Variants in PCDHGA1 observed in about 807,000 individuals in gnomAD.
PCDHGA1 encodes protocadherin gamma subfamily A, 1.
A neutral mutation model predicts 58.0 loss-of-function variants in PCDHGA1; 32 were observed. The ratio of observed to expected loss-of-function variants is 0.55; its 90% CI spans 0.42 to 0.74. The LOEUF (loss-of-function observed/expected upper bound fraction) is 0.74, where lower values mean the gene tolerates loss of function less well. Ranked by LOEUF, PCDHGA1 falls within the 30% of genes least tolerant of loss-of-function variation. The pLI is 0.00. For synonymous variants in PCDHGA1, 498 were observed against 501.1 expected (o/e 0.99, Z 0.08); for missense variants, 1,205 against 1,182.3 (o/e 1.02, Z -0.28).
chr5:141,405,370 G>T (rs2094649512), intron 1 of PCDHGA1: 1 of 1,606,236 alleles, frequency 6.2e-7, no homozygotes, highest in Non-Finnish European at 8.5e-7. Context: ...ACACCCCTTT[G>T]GTTCCGGTGA....
At chr5:141,343,520 C>A (rs1200493549) in intron 1 of PCDHGA1, among the ~76,000 whole-genome samples, 1 of 152,186 alleles carries the variant, frequency 6.6e-6, no homozygotes, top group African/African-American at 2.4e-5. Context: ...ACGGCCAGTT[C>A]TTTGTTACTG....
At chr5:141,338,257 C>T (rs1024920021) in intron 1 of PCDHGA1, among the ~76,000 whole-genome samples, 1 of 152,210 alleles carries the variant, frequency 6.6e-6, no homozygotes, top group Admixed American at 6.5e-5. Context: ...TTTCTAGCTC[C>T]AGCTGCAATC....
intron 1 of PCDHGA1, chr5:141,374,746 C>T (rs1242744421): frequency 2.5e-6 from 4 of 1,612,108 alleles, no homozygotes; most frequent in East Asian, 4.5e-5. Context: ...GCGACCCTGT[C>T]CGCTCAAGCG....
In PCDHGA1 at chr5:141,400,641, G is replaced by C. The variant is rs1427284697; in HGVS notation, c.2421+67536G>C. On this transcript the variant is annotated intron_variant, in intron 1 of 3. Coordinates refer to ENST00000517417, the MANE Select transcript of PCDHGA1 (RefSeq NM_018912.3). ...GTCTTAGGGAAGTCAGAGCTGCTCA[G>C]AAAGCTGTCCTACCATTCTTTAAGA... The C allele has an allele frequency of 9.3e-6, 12 of 1,288,952 alleles. No homozygotes were observed. The East Asian group carries it at 2.8e-4, about 30-fold the overall frequency. 79.8% of individuals were successfully genotyped at this position (1,288,952 alleles called of 1,614,324 possible). A position where few individuals can be genotyped will look rare whatever the true frequency, so the allele number is the denominator to read the frequency against.
rs1004089667 is a variant in PCDHGA1, at chr5:141,497,399, C to G, written c.2480+2534C>G. The stretch of plus-strand genomic sequence containing the variant: ...TGGGGTGAGCACCTTACCCCTGCCT[C>G]AACTCCCATTCCATCAAATGAGAGG... On this transcript the variant is annotated intron_variant, in intron 2 of 3. Coordinates refer to ENST00000517417, the MANE Select transcript of PCDHGA1 (RefSeq NM_018912.3). Among the ~76,000 whole-genome samples the G allele has an allele frequency of 5.9e-5, 9 of 152,146 alleles. 1 individual carries two copies. The highest frequency in any genetic ancestry group is 1.2e-4 in the Non-Finnish European group (8 of 68,034).
chr5:141,362,243 T>C (rs1431406827), intron 1 of PCDHGA1: 1 of 1,613,912 alleles, frequency 6.2e-7, no homozygotes, highest in Non-Finnish European at 8.5e-7. Context: ...TCAGTGCTCT[T>C]CTTCCTCGCG....
At chr5:141,365,363 CCCGAAG>C in intron 1 of PCDHGA1, 1 of 1,613,782 alleles carries the variant, frequency 6.2e-7, no homozygotes, top group African/African-American at 1.3e-5. Context: ...TGACAATGCC[CCCGAAG>C]TGATCCTCAC....
intron 1 of PCDHGA1, among the ~76,000 whole-genome samples, chr5:141,483,373 G>A (rs1410856257): frequency 6.6e-6 from 1 of 152,166 alleles, no homozygotes; most frequent in Admixed American, 6.5e-5. Flanking sequence ...TGCAATATTT[G>A]AAGAGAAGAT....
intron 3 of PCDHGA1, among the ~76,000 whole-genome samples, chr5:141,507,590 T>C (rs531629336): frequency 1.3e-5 from 2 of 152,374 alleles, no homozygotes; most frequent in African/African-American, 4.8e-5. Context: ...AGTTGGCCTC[T>C]TGAGGGAAAT....
intron 1 of PCDHGA1, chr5:141,370,629 C>G: frequency 6.2e-7 from 1 of 1,613,860 alleles, no homozygotes; most frequent in Non-Finnish European, 8.5e-7. Flanking sequence ...TACCGTGAGC[C>G]CCGAAAATGG....
chr5:141,352,487 A>T, intron 1 of PCDHGA1: 1 of 1,613,940 alleles, frequency 6.2e-7, no homozygotes, highest in Non-Finnish European at 8.5e-7. Context: ...CAGCGAGGGG[A>T]CTTTGCCCTA....
At chr5:141,398,565 A>C in intron 1 of PCDHGA1, 1 of 1,614,040 alleles carries the variant, frequency 6.2e-7, no homozygotes, top group Non-Finnish European at 8.5e-7. Context: ...GTGAGTCTGC[A>C]CAGCCTGGCA....
chr5:141,404,906 C>G, intron 1 of PCDHGA1: 8 of 1,613,864 alleles, frequency 5.0e-6, no homozygotes, highest in Non-Finnish European at 5.1e-6. Context: ...CCATGGCCAG[C>G]CCCCTCTCTC....
rs778209794 is a variant in PCDHGA1 at position 141,408,298 on chromosome 5, G to C, written c.2421+75193G>C. The C allele has an allele frequency of 4.3e-6, 7 of 1,613,586 alleles. No homozygotes were observed. The Admixed American group carries it at 5.0e-5, about 12-fold the overall frequency. ...TGTTCTACCCCACCCTGAGTGAGCCGATCCGCTACTCGATTCCGGAGGAGC... is the reference window on the plus strand; with the variant it reads ...TGTTCTACCCCACCCTGAGTGAGCCCATCCGCTACTCGATTCCGGAGGAGC... On this transcript the variant is annotated intron_variant, in intron 1 of 3. Coordinates refer to ENST00000517417, the MANE Select transcript of PCDHGA1 (RefSeq NM_018912.3).
At chr5:141,338,701 A>C in intron 1 of PCDHGA1, 1 of 589,762 alleles carries the variant, frequency 1.7e-6, no homozygotes. Context: ...TGCAGAAATT[A>C]TTTAGGCCTC....
At chr5:141,364,538 G>A in intron 1 of PCDHGA1, 1 of 1,614,118 alleles carries the variant, frequency 6.2e-7, no homozygotes, top group South Asian at 1.1e-5. Flanking sequence ...CGTCTCCAGA[G>A]GTAGGACGCA....
rs562479827 is a variant in PCDHGA1, at chr5:141,430,802, C to A, written c.2422-64005C>A. The A allele has an allele frequency of 1.2e-5, 18 of 1,524,776 alleles. No homozygotes were observed. The East Asian group carries it at 3.9e-4, about 33-fold the overall frequency. The allele number at this position is 1,524,776 out of a possible 1,614,324, so 94.5% of individuals were successfully genotyped here. On this transcript the variant is annotated intron_variant, in intron 1 of 3. Coordinates refer to ENST00000517417, the MANE Select transcript of PCDHGA1 (RefSeq NM_018912.3). ...GCACCGGGACTACAAAGGGCTTGTC[C>A]TGCTGGGAATCCTCCTGGGGACTCT... is the stretch of plus-strand genomic sequence containing the variant.
At chr5:141,340,860 G>A (rs1756992880) in intron 1 of PCDHGA1, 3 of 1,613,590 alleles carry the variant, frequency 1.9e-6, no homozygotes, top group East Asian at 2.2e-5. Flanking sequence ...CGCACGGCGC[G>A]AGCCCTGCTG....
At chr5:141,433,358 C>CTAT (rs2097585632) in intron 1 of PCDHGA1, 108 of 504,044 alleles carry the variant, frequency 2.1e-4, no homozygotes, top group African/African-American at 2.0e-3. Flanking sequence ...CTACTGTCTG[C>CTAT]CTATCTATCT....
Sources: allele counts gnomAD v4.1 joint callset (sites outside exome capture counted in the v4.1 genomes callset), GRCh38; gene constraint gnomAD v4.1.1; transcripts MANE v1.5; gene names NCBI Gene and HGNC (gene_info 2026-07-23, HGNC 2026-07-21).